Variants in ITGB7 observed in about 807,000 individuals in gnomAD.
ITGB7 encodes integrin subunit beta 7, also known as integrin beta-7.
Under a neutral mutation model 83.4 loss-of-function variants are expected in ITGB7, and 55 were observed. The observed-to-expected ratio is 0.66, with a 90% CI of 0.53 to 0.83. The LOEUF (loss-of-function observed/expected upper bound fraction) is 0.83, where lower values mean the gene tolerates loss of function less well. ITGB7 is among the 40% of genes least tolerant of loss of function. The probability of loss-of-function intolerance (pLI) is 0.00; values close to 1 mark genes in which losing one functional copy is unlikely to be tolerated. For synonymous variants in ITGB7, 454 were observed against 423.6 expected (o/e 1.07, Z -0.88); for missense variants, 921 against 1,046.7 (o/e 0.88, Z 1.66).
intron 14 of ITGB7, 110 bp downstream of exon 14, chr12:53,192,220 C>T (rs1941979358): frequency 1.5e-6 from 2 of 1,297,470 alleles, no homozygotes; most frequent in East Asian, 4.7e-5. Flanking sequence ...CCTGGATTCA[C>T]AGTTCTGCTT....
chr12:53,197,979 AC>A, intron 3 of ITGB7, 28 bp from the exon 4 acceptor site: 1 of 1,521,328 alleles, frequency 6.6e-7, no homozygotes, highest in Non-Finnish European at 8.8e-7. Context: ...GCGCGTCGGG[AC>A]CCGGTCCTGC....
rs1217596350 is a variant in ITGB7, at chr12:53,193,885, G to A, written c.1325C>T (p.Ser442Phe). 1.2e-6 allele frequency: 2 copies of A among 1,612,950 alleles called. No individual in the cohort carries two copies. Among genetic ancestry groups the A allele is most frequent in the Non-Finnish European group, 1.7e-6 (2 of 1,179,532 alleles). Residue 442 changes from serine (S) to phenylalanine (F), a missense_variant, in exon 11 of 16, where the codon TCT (serine) becomes TTT (phenylalanine). Transcript: ENST00000267082. ...TGGGAGGCAGTGGGTGGCTTGGAGA[G>A]AAACCCAGAAAGTCACCTGAGAAGA... ...RINQTVTFWVSLQATHCLPEP... is the reference protein window; with the variant it reads ...RINQTVTFWVFLQATHCLPEP...
At chr12:53,202,175 A>G (rs1304911902) in intron 1 of ITGB7, among the ~76,000 whole-genome samples, 1 of 152,022 alleles carries the variant, frequency 6.6e-6, no homozygotes, top group Non-Finnish European at 1.5e-5. Context: ...CCTGGACAAC[A>G]TGGTGAAACC....
chr12:53,192,092 TC>T, intron 14 of ITGB7, 73 bp from the exon 15 acceptor site: 1 of 1,517,044 alleles, frequency 6.6e-7, no homozygotes. Flanking sequence ...TCACAGTGTG[TC>T]CAGCCTGTCC....
At position 53,195,391 on chromosome 12, in the gene ITGB7, T is replaced by A. The variant is rs1455668424; in HGVS notation, c.1144A>T (p.Ile382Phe). 6.3e-7 allele frequency: 1 copy of A among 1,593,732 alleles called. No individual in the cohort carries two copies. The highest frequency in any genetic ancestry group is 1.1e-5 in the South Asian group (1 of 90,666). Residue 382 changes from isoleucine (I) to phenylalanine (F), a missense_variant, in exon 9 of 16, where the codon ATC becomes TTC. Ile to Phe is a conservative substitution (Grantham distance 21). Coordinates refer to ENST00000267082, the MANE Select transcript of ITGB7 (RefSeq NM_000889.3). Reference sequence around the variant, plus strand: ...CCCCTCACATTATAAGCATCCATGATGAGCTGTACCACGTTGCTGGAGTCC... The same window carrying A: ...CCCCTCACATTATAAGCATCCATGAAGAGCTGTACCACGTTGCTGGAGTCC... ...SEDSSNVVQL[I>F]MDAYNSLSST...
chr12:53,203,653 A>AG (rs1402448423), intron 1 of ITGB7, among the ~76,000 whole-genome samples: 3 of 134,452 alleles, frequency 2.2e-5, no homozygotes, highest in African/African-American at 1.1e-4. Flanking sequence ...GTCTCAAAAA[A>AG]AAAAAAAAAA....
At chr12:53,192,206 T>C in intron 14 of ITGB7, 124 bp downstream of exon 14, 1 of 1,249,406 alleles carries the variant, frequency 8.0e-7, no homozygotes, top group Non-Finnish European at 1.1e-6. Context: ...GCCTCTGCCT[T>C]TGTCCTGGAT....
chr12:53,193,729 T>A lies in ITGB7; in HGVS notation c.1481A>T (p.His494Leu). ...QAPHCSDGQG[H>L]LQCGVCSCAP... is the part of the protein sequence containing the mutation. Reference sequence around the variant, plus strand: ...TCACCTGCATACACCACATTGTAGGTGTCCCTGGCCATCACTGCAGTGGGG... The same window carrying A: ...TCACCTGCATACACCACATTGTAGGAGTCCCTGGCCATCACTGCAGTGGGG... The change falls in exon 11 of 16, where the codon CAC becomes CTC. Residue 494 changes from histidine to leucine, a missense_variant. His to Leu is a moderately conservative substitution (Grantham distance 99). Coordinates refer to ENST00000267082, the MANE Select transcript of ITGB7 (RefSeq NM_000889.3). 3.7e-6 allele frequency: 6 copies of A among 1,613,212 alleles called. No individual in the cohort carries two copies. Among genetic ancestry groups the A allele is most frequent in the Non-Finnish European group, 5.1e-6 (6 of 1,179,552 alleles).
At position 53,200,230 on chromosome 12, in the gene ITGB7, G is replaced by A. The variant is rs536176527; in HGVS notation, c.201+13C>T. The A allele has an allele frequency of 7.5e-6, 12 of 1,609,728 alleles. No homozygotes were observed. The South Asian group carries it at 1.2e-4, about 16-fold the overall frequency. On this transcript the variant is annotated intron_variant, in intron 3 of 15. Coordinates refer to ENST00000267082, the MANE Select transcript of ITGB7 (RefSeq NM_000889.3). ...ACATACACATGGTTCAAAGACCATAGGCCCATCTTTACCAGTTGCTTGCAC... is the reference window on the plus strand; with the variant it reads ...ACATACACATGGTTCAAAGACCATAAGCCCATCTTTACCAGTTGCTTGCAC...
In ITGB7 at chr12:53,197,496, T is replaced by C. The variant is rs925158092; in HGVS notation, c.571A>G (p.Ile191Val). ...RLQEVTHSVR[I>V]GFGSFVDKTV... The stretch of plus-strand genomic sequence containing the variant: ...CGGGAGGCAGCGCTCGGCTCACCAA[T>C]GCGCACAGAATGGGTGACTTCCTGC... The change falls in exon 5 of 16, where the codon ATT becomes GTT. Residue 191 changes from isoleucine (I) to valine (V), a missense_variant. Physicochemically the swap from Ile to Val is conservative, Grantham distance 29 (BLOSUM62 3). Coordinates refer to ENST00000267082, the MANE Select transcript of ITGB7 (RefSeq NM_000889.3). 6.2e-7 allele frequency: 1 copy of C among 1,614,098 alleles called. No individual in the cohort carries two copies. Among genetic ancestry groups the C allele is most frequent in the Non-Finnish European group, 8.5e-7 (1 of 1,179,978 alleles).
chr12:53,195,119 A>G, intron 9 of ITGB7: 1 of 525,636 alleles, frequency 1.9e-6, no homozygotes, highest in East Asian at 3.2e-5. Flanking sequence ...CGCATGAAAT[A>G]AAAGCTCAGT....
intron 1 of ITGB7, among the ~76,000 whole-genome samples, chr12:53,204,486 A>G (rs1205641182): frequency 6.6e-6 from 1 of 152,206 alleles, no homozygotes; most frequent in Non-Finnish European, 1.5e-5. Context: ...CACATATTGT[A>G]TGATTCCACA....
intron 3 of ITGB7, among the ~76,000 whole-genome samples, chr12:53,198,866 C>T (rs1351895279): frequency 6.6e-6 from 1 of 152,186 alleles, no homozygotes; most frequent in Admixed American, 6.5e-5. Flanking sequence ...ATCCCTGGGA[C>T]TGGTTGGGAA....
chr12:53,195,380 A>G lies in ITGB7; in HGVS notation c.1155T>C (p.Ala385=). ...CCTTCCCCTGGCCCCTCACATTATAAGCATCCATGATGAGCTGTACCACGT... is the reference window on the plus strand; with the variant it reads ...CCTTCCCCTGGCCCCTCACATTATAGGCATCCATGATGAGCTGTACCACGT... The part of the protein sequence containing the change: ...SSNVVQLIMD[A]YNSLSSTVTL... The change falls in exon 9 of 16, where the codon GCT becomes GCC. Residue 385 remains alanine (A), a synonymous_variant. Transcript: ENST00000267082. 1 of 1,610,520 alleles carries G rather than the reference A, an allele frequency of 6.2e-7. No homozygotes were observed. The highest frequency in any genetic ancestry group is 8.5e-7 in the Non-Finnish European group (1 of 1,176,958).
chr12:53,202,923 G>A (rs889607778), intron 1 of ITGB7, among the ~76,000 whole-genome samples: 2 of 152,052 alleles, frequency 1.3e-5, no homozygotes, highest in Non-Finnish European at 2.9e-5. Flanking sequence ...CATATACAAA[G>A]GTTAACTGAA....
At chr12:53,199,688 A>G (rs989699732) in intron 3 of ITGB7, among the ~76,000 whole-genome samples, 9 of 150,562 alleles carry the variant, frequency 6.0e-5, no homozygotes, top group African/African-American at 2.2e-4. Context: ...CCATCCCCCA[A>G]CCCCATCCCC....
chr12:53,198,169 A>C (rs1433974405), intron 3 of ITGB7, among the ~76,000 whole-genome samples: 1 of 152,158 alleles, frequency 6.6e-6, no homozygotes, highest in Non-Finnish European at 1.5e-5. Context: ...TCACTCTGTC[A>C]CCCAGGCTGG....
intron 2 of ITGB7, 131 bp downstream of exon 2, chr12:53,200,941 A>G (rs1279992432): frequency 6.4e-6 from 1 of 156,532 alleles, no homozygotes; most frequent in Non-Finnish European, 1.4e-5. Context: ...AAAAAAAAAA[A>G]ATAGGGGCCT....
rs1190646003 is a variant in ITGB7, at chr12:53,196,656, C to T, written c.739G>A (p.Gly247Arg). ...GDAQAFEREVGRQSVSGNLDS... is the reference protein window; with the variant it reads ...GDAQAFEREVRRQSVSGNLDS... ...AGATTGCCGGACACACTCTGGCGCC[C>T]CACCTCCCGCTCGAAGGCTTGTGCG... Residue 247 changes from glycine to arginine, a missense_variant, in exon 6 of 16, where the codon GGG (glycine) becomes AGG (arginine). Coordinates refer to ENST00000267082, the MANE Select transcript of ITGB7 (RefSeq NM_000889.3). The T allele has an allele frequency of 1.2e-6, 2 of 1,611,654 alleles. No individual in the cohort carries two copies. Among genetic ancestry groups the T allele is most frequent in the Non-Finnish European group, 1.7e-6 (2 of 1,178,794 alleles).
Sources: allele counts gnomAD v4.1 joint callset (sites outside exome capture counted in the v4.1 genomes callset), GRCh38; gene constraint gnomAD v4.1.1; transcripts MANE v1.5; gene names NCBI Gene and HGNC (gene_info 2026-07-23, HGNC 2026-07-21).